The following NCAM1 variants were observed in gnomAD, a reference collection of about 807,000 sequenced individuals.
The protein encoded by NCAM1 is antigen recognized by monoclonal antibody 5.1H11.
A neutral mutation model predicts 109.8 loss-of-function variants in NCAM1; 14 were observed. The observed-to-expected ratio is 0.13, with a 90% CI of 0.08 to 0.20. The LOEUF is 0.20. NCAM1 is among the 10% of genes least tolerant of loss of function. NCAM1 has a pLI of 1.00. For synonymous variants in NCAM1, 418 were observed against 442.9 expected (o/e 0.94, Z 0.70); for missense variants, 774 against 1,109.9 (o/e 0.70, Z 4.30).
At chr11:113,146,902 A>C (rs1375746581) in intron 1 of NCAM1, among the ~76,000 whole-genome samples, 1 of 152,074 alleles carries the variant, frequency 6.6e-6, no homozygotes, top group African/African-American at 2.4e-5. Context: ...TTAGGAAAAA[A>C]AAAAAAACCT....
At chr11:113,201,834 T>C (rs1242886609) in intron 1 of NCAM1, among the ~76,000 whole-genome samples, 1 of 152,196 alleles carries the variant, frequency 6.6e-6, no homozygotes, top group Non-Finnish European at 1.5e-5. Flanking sequence ...GGTTTACCCT[T>C]ACCATCCCCA....
Position 113,206,597 on chromosome 11 carries a change from G to A in NCAM1, c.628+417G>A, listed in dbSNP as rs1400141129. Among the ~76,000 whole-genome samples, 3 of 152,150 alleles carry A rather than the reference G, an allele frequency of 2.0e-5. 1 individual carries two copies. The highest frequency in any genetic ancestry group is 1.3e-4 in the Admixed American group (2 of 15,284). ...TCCATAGGCTTGTTAATCTTAACTT[G>A]CAGTGTCAAATAAACACACCCATGG... On this transcript the variant is annotated intron_variant, in intron 5 of 19. Coordinates refer to ENST00000316851, the MANE Select transcript of NCAM1 (RefSeq NM_181351.5).
At chr11:112,970,267 G>T (rs963215718) in intron 1 of NCAM1, among the ~76,000 whole-genome samples, 6 of 152,128 alleles carry the variant, frequency 3.9e-5, no homozygotes, top group African/African-American at 1.4e-4. Context: ...TCTATGTTTG[G>T]GACTAGCTGG....
chr11:113,215,744 C>G (rs925905289), intron 8 of NCAM1, among the ~76,000 whole-genome samples: 7 of 152,320 alleles, frequency 4.6e-5, no homozygotes, highest in African/African-American at 1.2e-4. Flanking sequence ...CCCACATATG[C>G]TGTTTGAAAC....
chr11:113,026,474 C>T (rs1952550148), intron 1 of NCAM1, among the ~76,000 whole-genome samples: 1 of 152,134 alleles, frequency 6.6e-6, no homozygotes, highest in Non-Finnish European at 1.5e-5. Context: ...ACAGAGGGGA[C>T]ATGTGCCATC....
intron 1 of NCAM1, among the ~76,000 whole-genome samples, chr11:113,112,656 C>T (rs782620380): frequency 1.3e-5 from 2 of 152,204 alleles, no homozygotes; most frequent in Non-Finnish European, 2.9e-5. Context: ...CTCTCCACAG[C>T]AAACATTATG....
At chr11:113,090,099 C>A (rs782341361) in intron 1 of NCAM1, among the ~76,000 whole-genome samples, 4 of 152,136 alleles carry the variant, frequency 2.6e-5, no homozygotes, top group South Asian at 2.1e-4. Context: ...ATTTCCAATT[C>A]TTTTTGTTTC....
intron 1 of NCAM1, among the ~76,000 whole-genome samples, chr11:112,979,198 C>T (rs149232840): frequency 7.5e-4 from 110 of 145,828 alleles, no homozygotes; most frequent in African/African-American, 2.4e-3. Flanking sequence ...AAAGTAGGAC[C>T]ATAAAAAATT....
chr11:113,045,604 G>T (rs1555080660), intron 1 of NCAM1, among the ~76,000 whole-genome samples: 1 of 152,102 alleles, frequency 6.6e-6, no homozygotes, highest in African/African-American at 2.4e-5. Flanking sequence ...TTAATCTGAG[G>T]TTCTTAAATG....
chr11:112,968,234 T>TA (rs769147200), intron 1 of NCAM1, among the ~76,000 whole-genome samples: 1 of 152,244 alleles, frequency 6.6e-6, no homozygotes, highest in Non-Finnish European at 1.5e-5. Flanking sequence ...CAGAAGATCT[T>TA]AAATGAGATC....
intron 7 of NCAM1, among the ~76,000 whole-genome samples, chr11:113,211,370 C>T (rs1189222700): frequency 6.6e-6 from 1 of 152,168 alleles, no homozygotes. Context: ...ATGTATGGGA[C>T]ATATCTCAAT....
At chr11:113,242,661 C>T in intron 14 of NCAM1, 4 of 669,582 alleles carry the variant, frequency 6.0e-6, no homozygotes, top group Non-Finnish European at 7.9e-6. Flanking sequence ...GAGAGAATAC[C>T]TCCTTCACCA....
At chr11:113,202,578 T>C (rs1555112104) in intron 2 of NCAM1, 125 bp downstream of exon 2, 7 of 798,814 alleles carry the variant, frequency 8.8e-6, no homozygotes, top group Non-Finnish European at 1.3e-5. Context: ...CATTGCTCTA[T>C]TACAGGGTCA....
At chr11:113,076,881 A>T (rs979232471) in intron 1 of NCAM1, among the ~76,000 whole-genome samples, 3 of 152,230 alleles carry the variant, frequency 2.0e-5, no homozygotes, top group African/African-American at 7.2e-5. Context: ...GCACTGAATT[A>T]CAACTGAGCA....
At chr11:113,030,383 C>A (rs1047010529) in intron 1 of NCAM1, among the ~76,000 whole-genome samples, 1 of 152,180 alleles carries the variant, frequency 6.6e-6, no homozygotes, top group Non-Finnish European at 1.5e-5. Context: ...ATTGGAAGTT[C>A]TCTCAACTCT....
chr11:113,109,954 ACATATATACATG>A (rs1295060202), intron 1 of NCAM1, among the ~76,000 whole-genome samples: 5 of 152,214 alleles, frequency 3.3e-5, no homozygotes, highest in Non-Finnish European at 5.9e-5. Flanking sequence ...ATATATACAT[ACATATATACATG>A]CATACATATA....
Position 113,060,213 on chromosome 11 carries a change from T to C in NCAM1, c.52+98549T>C, listed in dbSNP as rs570932715. Among the ~76,000 whole-genome samples, 3 of 152,344 alleles carry C rather than the reference T, an allele frequency of 2.0e-5. No homozygotes were observed. In the South Asian group the frequency reaches 6.2e-4, roughly 32 times the overall value. On this transcript the variant is annotated intron_variant, in intron 1 of 19. Transcript: ENST00000316851. ...CAAGATTTTTAATATGTGATGCTTG[T>C]CCTTTCTGCTTTTGCGACATCATGG...
chr11:113,029,847 T>C (rs1555078046), intron 1 of NCAM1, among the ~76,000 whole-genome samples: 6 of 152,226 alleles, frequency 3.9e-5, no homozygotes, highest in African/African-American at 9.6e-5. Context: ...AGGAAAAACT[T>C]TGCCATTCTT....
intron 16 of NCAM1, among the ~76,000 whole-genome samples, chr11:113,259,090 C>T (rs1235114653): frequency 1.4e-5 from 2 of 142,140 alleles, no homozygotes; most frequent in African/African-American, 2.6e-5. Flanking sequence ...CTCGCTCTGT[C>T]GCCCAGGCTG....
Sources: gnomAD v4.1 joint callset for allele counts (sites outside exome capture counted in the v4.1 genomes callset) on GRCh38, gnomAD v4.1.1 for gene constraint, MANE v1.5 for transcripts, NCBI Gene and HGNC (gene_info 2026-07-23, HGNC 2026-07-21) for gene names.